CREBBP: variants seen among roughly 807,000 people sequenced by gnomAD.
The protein encoded by CREBBP is CREB-binding protein.
A neutral mutation model predicts 265.0 loss-of-function variants in CREBBP; 19 were observed. The ratio of observed to expected loss-of-function variants is 0.07; its 90% CI spans 0.05 to 0.11. The LOEUF is 0.11. CREBBP is among the 10% of genes least tolerant of loss of function. CREBBP has a pLI of 1.00. For synonymous variants in CREBBP, 1,457 were observed against 1,223.7 expected, an observed-to-expected ratio of 1.19 and a Z score of -3.98; for missense variants, 2,525 against 3,219.0, an observed-to-expected ratio of 0.78 and a Z score of 5.22.
chr16:3,864,064 G>T (rs1186657661), intron 1 of CREBBP, among the ~76,000 whole-genome samples: 1 of 152,212 alleles, frequency 6.6e-6, no homozygotes, highest in African/African-American at 2.4e-5. Flanking sequence ...TGTGGGGGCT[G>T]AGCTAGGAGC....
At chr16:3,849,250 AGCTGTCTCACATCTATCCAGGCATCT>A (rs2054732884) in intron 2 of CREBBP, among the ~76,000 whole-genome samples, 3 of 151,810 alleles carry the variant, frequency 2.0e-5, no homozygotes, top group Non-Finnish European at 4.4e-5. Context: ...GGGCTTTTCC[AGCTGTCTCACATCTATCCAGGCATCT>A]GCCTTCCCCC....
At chr16:3,739,486 G>T in intron 25 of CREBBP, 92 bp downstream of exon 25, 1 of 1,468,748 alleles carries the variant, frequency 6.8e-7, no homozygotes, top group Non-Finnish European at 9.5e-7. Context: ...CCCCTATGAA[G>T]GCTCACAGGC....
At chr16:3,821,573 ATTCTT>A (rs2054141648) in intron 2 of CREBBP, among the ~76,000 whole-genome samples, 3 of 152,246 alleles carry the variant, frequency 2.0e-5, no homozygotes, top group African/African-American at 7.2e-5. Context: ...GTTTCTCCTA[ATTCTT>A]TTAAGTCCTA....
At chr16:3,770,299 A>G (rs754637653) in intron 14 of CREBBP, among the ~76,000 whole-genome samples, 1 of 152,028 alleles carries the variant, frequency 6.6e-6, no homozygotes, top group Non-Finnish European at 1.5e-5. Context: ...TTCCCACCTA[A>G]GCCTTCTGAG....
chr16:3,879,752 A>C, intron 1 of CREBBP, 80 bp downstream of exon 1: 1 of 1,443,218 alleles, frequency 6.9e-7, no homozygotes, highest in Non-Finnish European at 9.5e-7. Flanking sequence ...GGTATCCGCG[A>C]CCACGACCCC....
At position 3,725,250 on chromosome 16, in the gene CREBBP, C is replaced by T. The variant is rs535625078; in HGVS notation, c.*2468G>A. 1.3e-5 allele frequency: 3 copies of T among 233,464 alleles called. No individual in the cohort carries two copies. The highest frequency in any genetic ancestry group is 1.8e-4 in the South Asian group (1 of 5,532). 14.5% of individuals were successfully genotyped at this position (233,464 alleles called of 1,614,324 possible). ...GGTTAGCATCCACAGACCATGCTCT[C>T]GGTCACATCCTTCGACATCTGGATT... is the stretch of plus-strand genomic sequence containing the variant. On this transcript the variant is annotated 3_prime_UTR_variant, in exon 31 of 31. Coordinates refer to ENST00000262367, the MANE Select transcript of CREBBP (RefSeq NM_004380.3).
rs1452321344 is a variant in CREBBP, at chr16:3,725,686, C to G, written c.*2032G>C. The G allele has an allele frequency of 4.3e-6, 1 of 233,204 alleles. No homozygotes were observed. Among genetic ancestry groups the G allele is most frequent in the Admixed American group, 5.6e-5 (1 of 17,786 alleles). The allele number at this position is 233,204 out of a possible 1,614,324, so 14.4% of individuals were successfully genotyped here. A position where few individuals can be genotyped will look rare whatever the true frequency, so the allele number is the denominator to read the frequency against. On this transcript the variant is annotated 3_prime_UTR_variant, in exon 31 of 31. Transcript: ENST00000262367. ...ATTTTATAACTCAAGGTTCAAAGCT[C>G]TGTGCTAAAACTAGATCGGACCTTT...
intron 2 of CREBBP, among the ~76,000 whole-genome samples, chr16:3,849,525 CTTT>C (rs140938515): frequency 6.1e-4 from 4 of 6,556 alleles, no homozygotes; most frequent in African/African-American, 9.5e-4. Context: ...GAGGCTGCTG[CTTT>C]TTTTTTTTTT....
chr16:3,821,023 T>C (rs2054131786), intron 2 of CREBBP, among the ~76,000 whole-genome samples: 1 of 152,152 alleles, frequency 6.6e-6, no homozygotes, highest in Non-Finnish European at 1.5e-5. Context: ...CATTAATGCA[T>C]AAGCAAAAAC....
chr16:3,819,077 G>A (rs1292756268), intron 2 of CREBBP, among the ~76,000 whole-genome samples: 2 of 152,262 alleles, frequency 1.3e-5, no homozygotes, highest in Admixed American at 1.3e-4. Context: ...TGAAAACAGG[G>A]TGGCAAAGTG....
chr16:3,779,004 T>C (rs949036714), intron 8 of CREBBP, among the ~76,000 whole-genome samples, 187 bp from the exon 9 acceptor site: 5 of 151,834 alleles, frequency 3.3e-5, no homozygotes, highest in African/African-American at 1.2e-4. Flanking sequence ...CCGTCTCTAC[T>C]AAAAATACAA....
In CREBBP at chr16:3,728,718, G is replaced by A. The variant is rs1407363475; in HGVS notation, c.6329C>T (p.Ala2110Val). The A allele has an allele frequency of 3.7e-6, 6 of 1,613,816 alleles. No homozygotes were observed. Among genetic ancestry groups the A allele is most frequent in the Non-Finnish European group, 5.1e-6 (6 of 1,179,964 alleles). The change falls in exon 31 of 31, where the codon GCC becomes GTC. Residue 2110 changes from alanine (A) to valine (V), a missense_variant. Ala to Val is a moderately conservative substitution (Grantham distance 64, BLOSUM62 0). Coordinates refer to ENST00000262367, the MANE Select transcript of CREBBP (RefSeq NM_004380.3). This position sits in a 1 kb window ranked among gnomAD's most constrained non-coding sequence, Gnocchi z 8.7. Reference protein sequence around the residue: ...FIKQRTAKYVANQPGMQPQPG... With the variant: ...FIKQRTAKYVVNQPGMQPQPG... Reference sequence around the variant, plus strand: ...CTGGGGCTGCATGCCGGGCTGATTGGCCACGTACTTGGCTGTGCGCTGTTT... The same window carrying A: ...CTGGGGCTGCATGCCGGGCTGATTGACCACGTACTTGGCTGTGCGCTGTTT...
chr16:3,780,281 C>CGTTAT (rs374793622), intron 8 of CREBBP, among the ~76,000 whole-genome samples: 107 of 151,670 alleles, frequency 7.1e-4, no homozygotes, highest in African/African-American at 2.4e-3. Context: ...GTTAACTTTC[C>CGTTAT]GTTATGTTAA....
chr16:3,833,795 T>A (rs867049488), intron 2 of CREBBP, among the ~76,000 whole-genome samples: 1 of 152,136 alleles, frequency 6.6e-6, no homozygotes. Flanking sequence ...ATTGACTTCA[T>A]TAAAATTAAA....
intron 1 of CREBBP, among the ~76,000 whole-genome samples, chr16:3,878,031 T>G (rs1420244546): frequency 6.6e-6 from 1 of 152,254 alleles, no homozygotes; most frequent in East Asian, 1.9e-4. Flanking sequence ...GGGCTCCATC[T>G]TGGAAACAGC....
At chr16:3,765,176 C>G (rs1439875537) in intron 16 of CREBBP, among the ~76,000 whole-genome samples, 1 of 152,186 alleles carries the variant, frequency 6.6e-6, no homozygotes, top group African/African-American at 2.4e-5. Flanking sequence ...CGGGGTTTCA[C>G]CGTATTAGCC....
At chr16:3,796,342 T>G (rs1029688601) in intron 3 of CREBBP, among the ~76,000 whole-genome samples, 1 of 151,472 alleles carries the variant, frequency 6.6e-6, no homozygotes, top group Non-Finnish European at 1.5e-5. Flanking sequence ...CAGCCTCCCA[T>G]GTAGCTGGGA....
At position 3,859,384 on chromosome 16, in the gene CREBBP, G is replaced by T. The variant is rs142759026; in HGVS notation, c.86-8375C>A. Among the ~76,000 whole-genome samples the T allele has an allele frequency of 1.5e-3, 221 of 152,124 alleles. 3 individuals are homozygous for T. The East Asian group carries it at 0.038, about 26-fold the overall frequency. On this transcript the variant is annotated intron_variant, in intron 1 of 30. Transcript: ENST00000262367. ...ATTTTTTGTATTTTCAGCAGAGACG[G>T]GGTTTCACCATGTTGGCCAGAATGG...
rs2151309443 is a variant in CREBBP, at chr16:3,729,425, G to C, written c.5622C>G (p.Thr1874=). Residue 1874 remains threonine, a synonymous_variant, in exon 31 of 31, where the codon ACC becomes ACG. Coordinates refer to ENST00000262367, the MANE Select transcript of CREBBP (RefSeq NM_004380.3). The part of the protein sequence containing the change: ...LMRRRMATMN[T]RNVPQQSLPS... The stretch of plus-strand genomic sequence containing the variant: ...GCAGACTCTGCTGAGGCACGTTGCG[G>C]GTGTTCATGGTGGCCATCCGCCGGC... 6.2e-7 allele frequency: 1 copy of C among 1,613,780 alleles called. No homozygotes were observed. The highest frequency in any genetic ancestry group is 8.5e-7 in the Non-Finnish European group (1 of 1,179,988).
Sources: gnomAD v4.1 joint callset for allele counts (sites outside exome capture counted in the v4.1 genomes callset) on GRCh38, gnomAD v4.1.1 for gene constraint, Gnocchi (gnomAD v3.1) non-coding constraint, MANE v1.5 for transcripts, NCBI Gene and HGNC (gene_info 2026-07-23, HGNC 2026-07-21) for gene names.